Variants in MACF1 observed in about 807,000 individuals in gnomAD.
The protein encoded by MACF1 is microtubule-actin cross-linking factor 1.
Under a neutral mutation model 854.8 loss-of-function variants are expected in MACF1, and 193 were observed. That is an observed-to-expected ratio of 0.23 (90% CI 0.20 to 0.25). MACF1 has a LOEUF of 0.25. MACF1 is among the 10% of genes least tolerant of loss of function. MACF1 has a pLI of 1.00. For missense variants in MACF1, 7,722 were observed against 8,929.1 expected (o/e 0.86, Z 5.45); for synonymous variants, 3,185 against 3,226.7 (o/e 0.99, Z 0.44).
At chr1:39,403,252 C>A (rs918485224) in intron 58 of MACF1, among the ~76,000 whole-genome samples, 1 of 152,150 alleles carries the variant, frequency 6.6e-6, no homozygotes, top group African/African-American at 2.4e-5. Flanking sequence ...GTGCATGCCA[C>A]CACACATGGC....
rs752160524 is a variant in MACF1, at chr1:39,340,689, A to G, written c.10403A>G (p.His3468Arg). ...VSDTWNSRLL[H>R]FQNAVEIEKT... ...GACACTTGGAATTCCAGGCTACTCC[A>G]CTTCCAGAATGCTGTGGAAATAGAA... The change falls in exon 39 of 101, where the codon CAC becomes CGC. Residue 3468 changes from histidine to arginine, a missense_variant. Around this residue, in one of 15 missense-constraint regions of MACF1, gnomAD observed 854 missense variants for 852.6 expected, o/e 1.00. Coordinates refer to ENST00000564288, the MANE Select transcript of MACF1 (RefSeq NM_001394062.1). The G allele has an allele frequency of 2.5e-6, 4 of 1,614,186 alleles. No individual in the cohort carries two copies. The highest frequency in any genetic ancestry group is 3.4e-6 in the Non-Finnish European group (4 of 1,180,016).
chr1:39,193,388 A>G (rs1389326539), intron 2 of MACF1, among the ~76,000 whole-genome samples: 1 of 152,144 alleles, frequency 6.6e-6, no homozygotes, highest in Non-Finnish European at 1.5e-5. Context: ...TTTTGAAGCA[A>G]TGCTGTCGAA....
rs1177560973 is a variant in MACF1 at position 39,329,552 on chromosome 1, T to A, written c.4615-1651T>A. On this transcript the variant is annotated intron_variant, in intron 36 of 100. Transcript: ENST00000564288. ...AGGAGGCAGGGAAATAATTGGAAAT[T>A]GCTTCCACAAGATCCTCTATCAATA... 5.3e-5 allele frequency among the ~76,000 whole-genome samples: 8 copies of A among 152,278 alleles called. No individual in the cohort carries two copies. In the East Asian group the frequency reaches 1.5e-3, roughly 29 times the overall value.
chr1:39,198,620 C>T (rs1292364876), intron 2 of MACF1, among the ~76,000 whole-genome samples: 2 of 143,530 alleles, frequency 1.4e-5, no homozygotes, highest in Non-Finnish European at 3.0e-5. Flanking sequence ...CATTGCACTC[C>T]AGCCTAGGCA....
At chr1:39,361,840 A>G (rs1233305831) in intron 49 of MACF1, among the ~76,000 whole-genome samples, 163 bp downstream of exon 49, 1 of 152,128 alleles carries the variant, frequency 6.6e-6, no homozygotes, top group Non-Finnish European at 1.5e-5. Flanking sequence ...TCATTTGTCC[A>G]TTTTTTAAGC....
At chr1:39,253,820 A>G (rs1256347878) in intron 4 of MACF1, among the ~76,000 whole-genome samples, 1 of 152,144 alleles carries the variant, frequency 6.6e-6, no homozygotes, top group Non-Finnish European at 1.5e-5. Flanking sequence ...TTGGCCAAAA[A>G]TTGGCTATCT....
At chr1:39,484,102 G>A (rs573633273) in intron 99 of MACF1, among the ~76,000 whole-genome samples, 32 of 152,316 alleles carry the variant, frequency 2.1e-4, no homozygotes, top group Admixed American at 1.4e-3. Flanking sequence ...GCGGTGATCC[G>A]AGATTGCACC....
At chr1:39,101,628 TC>T (rs1267320261) in intron 2 of MACF1, among the ~76,000 whole-genome samples, 1 of 150,332 alleles carries the variant, frequency 6.7e-6, no homozygotes, top group Non-Finnish European at 1.5e-5. Context: ...ATGGAGACCA[TC>T]CTGGCTAACA....
intron 58 of MACF1, chr1:39,414,169 A>G: frequency 1.9e-6 from 3 of 1,612,160 alleles, no homozygotes; most frequent in Non-Finnish European, 2.5e-6. Flanking sequence ...AGCAGTGCCC[A>G]CCCCAGAGGT....
chr1:39,463,515 T>C lies in MACF1; in HGVS notation c.21679-97T>C, dbSNP rs191944355. ...CAAAAAAAAAAAAAAATGTAAATAATGAATAGCCTCCCTGTTAATGTATAA... is the reference window on the plus strand; with the variant it reads ...CAAAAAAAAAAAAAAATGTAAATAACGAATAGCCTCCCTGTTAATGTATAA... On this transcript the variant is annotated intron_variant, in intron 93 of 100. Coordinates refer to ENST00000564288, the MANE Select transcript of MACF1 (RefSeq NM_001394062.1). 3.5e-3 allele frequency: 2,827 copies of C among 797,230 alleles called. 11 individuals are homozygous for C. Among genetic ancestry groups the C allele is most frequent in the Non-Finnish European group, 4.7e-3 (2,249 of 477,528 alleles). 49.4% of individuals were successfully genotyped at this position (797,230 alleles called of 1,614,324 possible). A position where few individuals can be genotyped will look rare whatever the true frequency, so the allele number is the denominator to read the frequency against.
intron 2 of MACF1, among the ~76,000 whole-genome samples, chr1:39,087,975 T>G (rs1376382866): frequency 2.0e-5 from 3 of 151,528 alleles, no homozygotes; most frequent in African/African-American, 4.8e-5. Flanking sequence ...GTTTCTTTTT[T>G]TTTTTGGAGA....
chr1:39,138,464 A>G (rs1368882060), intron 2 of MACF1, among the ~76,000 whole-genome samples: 2 of 151,516 alleles, frequency 1.3e-5, no homozygotes, highest in Non-Finnish European at 2.9e-5. Flanking sequence ...GGGTGCCTGT[A>G]GTCCCAGCTA....
chr1:39,085,592 C>T lies in MACF1; in HGVS notation c.220+1154C>T, dbSNP rs544883991. 2.6e-5 allele frequency among the ~76,000 whole-genome samples: 4 copies of T among 152,094 alleles called. No individual in the cohort carries two copies. In the South Asian group the frequency reaches 8.3e-4, roughly 32 times the overall value. On this transcript the variant is annotated intron_variant, in intron 2 of 93. Coordinates refer to the MACF1 transcript ENST00000361689. ...CACGTGACTAATAGAGTATTTTTTT[C>T]TAAAATACAAACCTCAAGAACACAT...
At chr1:39,176,335 A>G (rs1366026928) in intron 2 of MACF1, among the ~76,000 whole-genome samples, 1 of 151,748 alleles carries the variant, frequency 6.6e-6, no homozygotes, top group Non-Finnish European at 1.5e-5. Context: ...GCACACAACA[A>G]TTCTTCTCTT....
rs1391091332 is a variant in MACF1, at chr1:39,409,500, C to T, written c.15817-12874C>T. ...GTGCTGAGCGAGCCCCTCCGACAGA[C>T]CCGCGGCCGCTGCTGCTGCCCGCCC... On this transcript the variant is annotated intron_variant, in intron 58 of 100. Coordinates refer to ENST00000564288, the MANE Select transcript of MACF1 (RefSeq NM_001394062.1). This position sits in a 1 kb window ranked among gnomAD's most constrained non-coding sequence, Gnocchi z 4.2. 1 of 152,202 alleles carries T rather than the reference C, an allele frequency of 6.6e-6. No individual in the cohort carries two copies. Among genetic ancestry groups the T allele is most frequent in the Non-Finnish European group, 1.5e-5 (1 of 68,064 alleles). 9.4% of individuals were successfully genotyped at this position (152,202 alleles called of 1,614,324 possible). A position where few individuals can be genotyped will look rare whatever the true frequency, so the allele number is the denominator to read the frequency against.
At chr1:39,374,937 C>T (rs1281587066) in intron 52 of MACF1, among the ~76,000 whole-genome samples, 2 of 151,916 alleles carry the variant, frequency 1.3e-5, no homozygotes, top group Non-Finnish European at 2.9e-5. Context: ...AGTGAAACCT[C>T]GTCTCTACTA....
At chr1:39,190,383 G>T (rs1399001603) in intron 2 of MACF1, among the ~76,000 whole-genome samples, 2 of 116,714 alleles carry the variant, frequency 1.7e-5, no homozygotes, top group Admixed American at 1.0e-4. Context: ...GTGTGTGTGT[G>T]TGTGTGTGTT....
intron 5 of MACF1, among the ~76,000 whole-genome samples, chr1:39,255,783 G>A (rs898884571): frequency 6.6e-6 from 1 of 152,172 alleles, no homozygotes; most frequent in East Asian, 1.9e-4. Flanking sequence ...AAGTGTTTAG[G>A]GTACTGGAGA....
intron 38 of MACF1, among the ~76,000 whole-genome samples, chr1:39,339,833 T>A (rs1646896420): frequency 6.6e-6 from 1 of 152,064 alleles, no homozygotes; most frequent in African/African-American, 2.4e-5. Context: ...GTCATAGGAT[T>A]GGAGTCACCA....
Sources: gnomAD v4.1 joint callset for allele counts (sites outside exome capture counted in the v4.1 genomes callset) on GRCh38, gnomAD v4.1.1 for gene constraint, gnomAD v4.1.1 regional missense constraint, Gnocchi (gnomAD v3.1) non-coding constraint, MANE v1.5 for transcripts, NCBI Gene and HGNC (gene_info 2026-07-23, HGNC 2026-07-21) for gene names.